Variants in SNX19 observed in about 807,000 individuals in gnomAD.
SNX19 encodes the protein sorting nexin-19.
Under a neutral mutation model 85.2 loss-of-function variants are expected in SNX19, and 60 were observed. The observed-to-expected ratio is 0.70, with a 90% CI of 0.57 to 0.87. The LOEUF is 0.87. SNX19 is among the 40% of genes least tolerant of loss of function. The pLI is 0.00. For synonymous variants in SNX19, 520 were observed against 470.0 expected (o/e 1.11, Z -1.38); for missense variants, 1,201 against 1,217.8 (o/e 0.99, Z 0.21).
In SNX19 at chr11:130,866,731, A is replaced by G. The variant is rs913809777; in HGVS notation, c.*11691T>C. 10 of 152,224 alleles carry G rather than the reference A, an allele frequency of 6.6e-5. No homozygotes were observed. The highest frequency in any genetic ancestry group is 3.3e-4 in the Admixed American group (5 of 15,266). The allele number at this position is 152,224 out of a possible 1,614,324, so 9.4% of individuals were successfully genotyped here. ...CCTTAGCTCTAGACTTACTGAACAG[A>G]AAGACCTTGGGTGAACTTTTCATTG... On this transcript the variant is annotated 3_prime_UTR_variant, in exon 11 of 11. Transcript: ENST00000265909.
At chr11:130,898,581 G>A (rs927196655) in intron 8 of SNX19, among the ~76,000 whole-genome samples, 35 of 152,194 alleles carry the variant, frequency 2.3e-4, no homozygotes, top group African/African-American at 8.0e-4. Flanking sequence ...GGGGATGGGA[G>A]GCAACGGGAC....
At chr11:130,913,746 G>A (rs1474293520) in intron 1 of SNX19, among the ~76,000 whole-genome samples, 1 of 152,172 alleles carries the variant, frequency 6.6e-6, no homozygotes, top group Non-Finnish European at 1.5e-5. Flanking sequence ...TCAGAAGATA[G>A]CAAGTTTTTG....
intron 7 of SNX19, chr11:130,905,656 A>G (rs1317214735): frequency 8.7e-6 from 13 of 1,492,456 alleles, no homozygotes; most frequent in Admixed American, 4.2e-5. Context: ...AGAGTCTGAT[A>G]TGCCAAAGCA....
chr11:130,869,663 TG>T lies in SNX19; in HGVS notation c.*8758del, dbSNP rs1375239098. 12 of 152,324 alleles carry T rather than the reference TG, an allele frequency of 7.9e-5. No individual in the cohort carries two copies. Among genetic ancestry groups the T allele is most frequent in the African/African-American group, 2.9e-4 (12 of 41,570 alleles). 9.4% of individuals were successfully genotyped at this position (152,324 alleles called of 1,614,324 possible). A position where few individuals can be genotyped will look rare whatever the true frequency, so the allele number is the denominator to read the frequency against. On this transcript the variant is annotated 3_prime_UTR_variant, in exon 11 of 11. Transcript: ENST00000265909. ...AAACTTTCTAGTTGTGTGAATAGTT[TG>T]CAACATATAAAGAATTGGTCAAAAT...
chr11:130,879,521 C>G lies in SNX19; in HGVS notation c.2846+103G>C, dbSNP rs1027193080. ...CCCAGAGCAAGTAAAGACTACAATC[C>G]TATTCTTTGGAATGTGGGCTTTTCA... On this transcript the variant is annotated intron_variant, in intron 10 of 10. Transcript: ENST00000265909. 31 of 972,876 alleles carry G rather than the reference C, an allele frequency of 3.2e-5. 1 individual carries two copies. The highest frequency in any genetic ancestry group is 5.0e-5 in the Non-Finnish European group (31 of 624,664). 60.3% of individuals were successfully genotyped at this position (972,876 alleles called of 1,614,324 possible). A position where few individuals can be genotyped will look rare whatever the true frequency, so the allele number is the denominator to read the frequency against.
intron 8 of SNX19, among the ~76,000 whole-genome samples, chr11:130,890,025 T>C (rs762471239): frequency 3.3e-5 from 5 of 152,168 alleles, no homozygotes; most frequent in Admixed American, 2.0e-4. Context: ...ATCATTGATT[T>C]TTATATAAAT....
chr11:130,890,699 C>T lies in SNX19; in HGVS notation c.2574-9893G>A, dbSNP rs1592305320. ...TCTCTCTCACTGTCCGCTGGCAACG[C>T]CCCACATTCTTTAAATCTCATCTCT... On this transcript the variant is annotated intron_variant, in intron 8 of 10. Transcript: ENST00000265909. Among the ~76,000 whole-genome samples, 3 of 152,218 alleles carry T rather than the reference C, an allele frequency of 2.0e-5. No homozygotes were observed. In the East Asian group the frequency reaches 5.8e-4, roughly 29 times the overall value.
intron 7 of SNX19, among the ~76,000 whole-genome samples, chr11:130,904,179 G>A (rs1179029369): frequency 1.1e-4 from 17 of 152,222 alleles, no homozygotes; most frequent in Admixed American, 1.1e-3. Context: ...GGAAGCACGT[G>A]CTGTTTAAAC....
intron 8 of SNX19, among the ~76,000 whole-genome samples, chr11:130,882,650 G>A (rs1943761565): frequency 1.3e-5 from 2 of 152,216 alleles, no homozygotes; most frequent in Middle Eastern, 3.2e-3. Flanking sequence ...CATTCAGTGA[G>A]CCTAAGATGC....
In SNX19 at chr11:130,873,286, C is replaced by A. The variant is rs1215358769; in HGVS notation, c.*5136G>T. Among the ~76,000 whole-genome samples the A allele has an allele frequency of 6.6e-6, 1 of 152,144 alleles. No individual in the cohort carries two copies. The highest frequency in any genetic ancestry group is 2.4e-5 in the African/African-American group (1 of 41,430). ...TATGAATTGTCTACAACTGTTTTTA[C>A]GCTACAGTGGAAAAGCTGAGTAGTT... On this transcript the variant is annotated 3_prime_UTR_variant, in exon 11 of 11. Transcript: ENST00000265909.
At position 130,915,773 on chromosome 11, in the gene SNX19, G is replaced by A; in HGVS notation, c.167C>T (p.Ala56Val). Reference sequence around the variant, plus strand: ...CCATCCTCCCAGCACCACTAGCAATGCCGACAGAAGGCACAGCAGCCACAC... The same window carrying A: ...CCATCCTCCCAGCACCACTAGCAATACCGACAGAAGGCACAGCAGCCACAC... ...VNVWLLCLLS[A>V]LLVVLGGWLG... The change falls in exon 1 of 11, where the codon GCA becomes GTA. Residue 56 changes from alanine to valine, a missense_variant. Transcript: ENST00000265909. 6.2e-7 allele frequency: 1 copy of A among 1,614,170 alleles called. No individual in the cohort carries two copies. The highest frequency in any genetic ancestry group is 8.5e-7 in the Non-Finnish European group (1 of 1,180,044).
At chr11:130,885,844 G>A (rs4436551) in intron 8 of SNX19, among the ~76,000 whole-genome samples, 66,394 of 152,024 alleles carry the variant, frequency 0.44, 14,803 homozygotes, top group South Asian at 0.56. Context: ...ATCATCCTAA[G>A]TACACCTTCA....
intron 8 of SNX19, among the ~76,000 whole-genome samples, chr11:130,890,666 GTTCT>G (rs1012383675): frequency 2.0e-5 from 3 of 151,014 alleles, no homozygotes; most frequent in Admixed American, 6.6e-5. Context: ...TGCCTTGAAT[GTTCT>G]CTCTCTCTCT....
Position 130,906,628 on chromosome 11 carries a change from A to C in SNX19, c.2259T>G (p.Asn753Lys). The C allele has an allele frequency of 6.2e-7, 1 of 1,609,696 alleles. No individual in the cohort carries two copies. The highest frequency in any genetic ancestry group is 8.5e-7 in the Non-Finnish European group (1 of 1,176,270). ...TTCTCTGGGTTTTGGTTCTTACCACATTGCCTTCCTGGAGACAATAAAGAA... is the reference window on the plus strand; with the variant it reads ...TTCTCTGGGTTTTGGTTCTTACCACCTTGCCTTCCTGGAGACAATAAAGAA... ...DKILYCLQEGNVESETLSMSA... is the reference protein window; with the variant it reads ...DKILYCLQEGKVESETLSMSA... The change falls in exon 6 of 11, where the codon AAT becomes AAG. Residue 753 changes from asparagine to lysine, a missense_variant. This residue lies in a region of SNX19 where 285 missense variants were observed against 295.3 expected (regional missense o/e 0.97). Coordinates refer to ENST00000265909, the MANE Select transcript of SNX19 (RefSeq NM_014758.3).
intron 8 of SNX19, among the ~76,000 whole-genome samples, chr11:130,888,093 A>G (rs1944215389): frequency 8.0e-6 from 1 of 125,514 alleles, no homozygotes. Flanking sequence ...CCACACAGGT[A>G]CATTACAAAA....
At chr11:130,912,047 A>C (rs1946169821) in intron 1 of SNX19, among the ~76,000 whole-genome samples, 1 of 151,844 alleles carries the variant, frequency 6.6e-6, no homozygotes, top group Non-Finnish European at 1.5e-5. Context: ...ACTGTTTTTC[A>C]AATGAATATT....
intron 1 of SNX19, 96 bp from the exon 2 acceptor site, chr11:130,911,867 G>A: frequency 8.1e-7 from 1 of 1,240,252 alleles, no homozygotes; most frequent in East Asian, 2.3e-5. Flanking sequence ...CACATAGCAA[G>A]AGTACGAAAC....
chr11:130,886,473 C>T (rs951120242), intron 8 of SNX19, among the ~76,000 whole-genome samples: 2 of 152,020 alleles, frequency 1.3e-5, no homozygotes, highest in African/African-American at 2.4e-5. Flanking sequence ...TAGGAGAAGC[C>T]CAAGCCACAT....
In SNX19 at chr11:130,916,478, C is replaced by T. The variant is rs1009407429; in HGVS notation, c.-539G>A. 1.3e-5 allele frequency: 2 copies of T among 152,324 alleles called. No individual in the cohort carries two copies. Among genetic ancestry groups the T allele is most frequent in the African/African-American group, 4.8e-5 (2 of 41,474 alleles). 9.4% of individuals were successfully genotyped at this position (152,324 alleles called of 1,614,324 possible). On this transcript the variant is annotated 5_prime_UTR_variant, in exon 1 of 11. Transcript: ENST00000265909. Reference sequence around the variant, plus strand: ...ACCGCCGGCCGGCCGCCGGCGACAGCTTCCGGGTCGACGTCGACGGGAGCG... The same window carrying T: ...ACCGCCGGCCGGCCGCCGGCGACAGTTTCCGGGTCGACGTCGACGGGAGCG...
Sources: gnomAD v4.1 joint callset for allele counts (sites outside exome capture counted in the v4.1 genomes callset) on GRCh38, gnomAD v4.1.1 for gene constraint, gnomAD v4.1.1 regional missense constraint, MANE v1.5 for transcripts, NCBI Gene and HGNC (gene_info 2026-07-23, HGNC 2026-07-21) for gene names.